BTK: variants seen among roughly 807,000 people sequenced by gnomAD.
BTK encodes the protein Bruton tyrosine kinase.
Under a neutral mutation model 57.4 loss-of-function variants are expected in BTK, and 5 were observed. That is an observed-to-expected ratio of 0.09 (90% confidence interval 0.05 to 0.18). The LOEUF (loss-of-function observed/expected upper bound fraction) is 0.18. Among genes scored for constraint, BTK ranks in the 10% least tolerant of loss-of-function variants. The pLI is 1.00. For synonymous variants in BTK, 154 were observed against 174.3 expected (o/e 0.88, Z 0.92); for missense variants, 194 against 501.2 (o/e 0.39, Z 5.85).
intron 14 of BTK, 197 bp from the exon 15 acceptor site, chrX:101,356,465 A>G (rs188782321): frequency 2.9e-5 from 13 of 452,617 alleles, no homozygotes; most frequent in Non-Finnish European, 4.5e-5. Flanking sequence ...GAGCCCATCA[A>G]TTGAAAAAGA....
intron 10 of BTK, 97 bp downstream of exon 10, chrX:101,359,196 C>A: frequency 2.1e-6 from 2 of 965,011 alleles, no homozygotes; most frequent in Admixed American, 2.2e-5. Flanking sequence ...GCAGCTTTGA[C>A]ACTGCCTTGC....
intron 1 of BTK, among the ~76,000 whole-genome samples, chrX:101,378,175 C>A (rs1292523995): frequency 2.8e-5 from 3 of 108,638 alleles, no homozygotes; most frequent in Non-Finnish European, 3.8e-5. Flanking sequence ...CCTCCATCTC[C>A]TGGGTTCAAG....
chrX:101,377,451 G>A (rs1273372027), intron 1 of BTK, among the ~76,000 whole-genome samples: 1 of 111,255 alleles, frequency 9.0e-6, no homozygotes, highest in African/African-American at 3.3e-5. Context: ...ACCAGTAAAT[G>A]GGGTCAGAAG....
Position 101,358,401 on chromosome X carries a change from A to G in BTK, c.1011T>C (p.Cys337=), listed in dbSNP as rs782312135. The change falls in exon 12 of 19, where the codon TGT becomes TGC. Residue 337 remains cysteine (C), a synonymous_variant. Coordinates refer to ENST00000308731, the MANE Select transcript of BTK (RefSeq NM_000061.3). ...PQGVIRHYVV[C]STPQSQYYLA... is the part of the protein sequence containing the mutation. ...GGTAATACTGGCTCTGAGGTGTGGA[A>G]CACACAACATAATGACGTATCACCC... 6.6e-6 allele frequency: 8 copies of G among 1,211,905 alleles called. No homozygotes were observed. The South Asian group carries it at 1.4e-4, about 21-fold the overall frequency.
Position 101,353,928 on chromosome X carries a change from G to C in BTK, c.1692C>G (p.Ser564=). The stretch of plus-strand genomic sequence containing the variant: ...TGCTATACATCAGGACTTCCGGTGG[G>C]GACCACCGGACTGGAAATTTGGAGC... The part of the protein sequence containing the change: ...SVGSKFPVRW[S]PPEVLMYSKF... The change falls in exon 17 of 19, where the codon TCC becomes TCG. Residue 564 remains serine, a synonymous_variant. Coordinates refer to ENST00000308731, the MANE Select transcript of BTK (RefSeq NM_000061.3). 1 of 1,210,644 alleles carries C rather than the reference G, an allele frequency of 8.3e-7. No individual in the cohort carries two copies.
At chrX:101,357,057 G>A in intron 13 of BTK, 102 bp from the exon 14 acceptor site, 2 of 921,038 alleles carry the variant, frequency 2.2e-6, no homozygotes, top group Non-Finnish European at 3.1e-6. Flanking sequence ...ACTAGTAAAA[G>A]GGAAATTTTT....
intron 1 of BTK, among the ~76,000 whole-genome samples, chrX:101,384,331 C>T (rs1332742922): frequency 8.9e-6 from 1 of 112,187 alleles, no homozygotes; most frequent in Non-Finnish European, 1.9e-5. Flanking sequence ...GGTGCGGTGG[C>T]TCACGCCTGT....
At chrX:101,355,584 GT>G (rs139150210) in intron 15 of BTK, 1,477 of 107,551 alleles carry the variant, frequency 0.014, 4 homozygotes, top group Middle Eastern at 0.019. Flanking sequence ...AAATTCCAGG[GT>G]TTTTTTTTTT....
At chrX:101,361,724 A>G (rs5991985) in intron 7 of BTK, among the ~76,000 whole-genome samples, 39,264 of 109,613 alleles carry the variant, frequency 0.36, 7,952 homozygotes, top group African/African-American at 0.76. Flanking sequence ...TGACACCCCC[A>G]TCTCTACTAA....
upstream of BTK, among the ~76,000 whole-genome samples, chrX:101,388,988 G>C (rs3027601): frequency 9.0e-5 from 10 of 111,088 alleles, no homozygotes; most frequent in South Asian, 3.7e-4. Flanking sequence ...CTCCCACCTC[G>C]GTGTCAGCAT....
Position 101,354,091 on chromosome X carries a change from TC to T in BTK, c.1632-104del, listed in dbSNP as rs1926387762. On this transcript the variant is annotated intron_variant, in intron 16 of 18. Transcript: ENST00000308731. The stretch of plus-strand genomic sequence containing the variant: ...GAGTGTCACAAACACACACAGGCTT[TC>T]TCAAAAGTCTCTCCTCCTCAACTAG... 2.0e-5 allele frequency: 12 copies of T among 601,878 alleles called. No homozygotes were observed. In the Admixed American group the frequency reaches 2.6e-4, roughly 13 times the overall value. The allele number at this position is 601,878 out of a possible 1,213,427, so 49.6% of individuals were successfully genotyped here.
intron 5 of BTK, among the ~76,000 whole-genome samples, chrX:101,368,404 G>C (rs1926927005): frequency 8.9e-6 from 1 of 111,893 alleles, no homozygotes; most frequent in Non-Finnish European, 1.9e-5. Flanking sequence ...TTCTGGACTT[G>C]GAAACCAAGC....
intron 2 of BTK, 124 bp from the exon 3 acceptor site, chrX:101,374,758 A>G (rs1171912257): frequency 2.2e-5 from 13 of 599,711 alleles, no homozygotes; most frequent in Non-Finnish European, 3.6e-5. Flanking sequence ...CATGTGGGGG[A>G]AGAAAAAAAA....
chrX:101,367,850 A>T (rs1210400469), intron 5 of BTK, among the ~76,000 whole-genome samples: 1 of 111,048 alleles, frequency 9.0e-6, no homozygotes, highest in Admixed American at 9.7e-5. Flanking sequence ...GTGGAGCCCA[A>T]GCTGGTGATG....
At chrX:101,389,603 C>T (rs184186240), upstream of BTK, among the ~76,000 whole-genome samples, 12 of 111,213 alleles carry the variant, frequency 1.1e-4, no homozygotes, top group Non-Finnish European at 1.5e-4. Context: ...AGCAAGATAC[C>T]CCAGACTCTC....
chrX:101,385,130 C>T (rs1178459699), intron 1 of BTK, among the ~76,000 whole-genome samples: 1 of 111,109 alleles, frequency 9.0e-6, no homozygotes, highest in East Asian at 2.8e-4. Flanking sequence ...GGGAAAAGAG[C>T]GGGGGAAGAA....
chrX:101,373,569 TAA>T (rs1449572077), intron 3 of BTK, among the ~76,000 whole-genome samples: 3 of 112,488 alleles, frequency 2.7e-5, no homozygotes, highest in Non-Finnish European at 3.7e-5. Flanking sequence ...GACATATATA[TAA>T]GTGTATGCGT....
intron 12 of BTK, 69 bp from the exon 13 acceptor site, chrX:101,357,652 T>G (rs1926530916): frequency 1.9e-5 from 17 of 871,846 alleles, no homozygotes; most frequent in Non-Finnish European, 2.9e-5. Flanking sequence ...CATCCTCACT[T>G]AAAGCCTCAC....
upstream of BTK, among the ~76,000 whole-genome samples, chrX:101,386,729 G>A (rs782169644): frequency 1.2e-4 from 13 of 111,731 alleles, no homozygotes; most frequent in Admixed American, 2.9e-4. Flanking sequence ...TTCTAAGAAA[G>A]CATTTTTCCC....
Sources: gnomAD v4.1 joint callset for allele counts (sites outside exome capture counted in the v4.1 genomes callset) on GRCh38, gnomAD v4.1.1 for gene constraint, MANE v1.5 for transcripts, NCBI Gene and HGNC (gene_info 2026-07-23, HGNC 2026-07-21) for gene names.